Variants in PTPRT observed in about 807,000 individuals in gnomAD.
PTPRT encodes the protein protein tyrosine phosphatase receptor type T.
In PTPRT, 56 loss-of-function variants were observed where a neutral mutation model predicts 176.8. The ratio of observed to expected loss-of-function variants is 0.32; its 90% CI spans 0.26 to 0.40. PTPRT has a LOEUF of 0.40. Among genes scored for constraint, PTPRT ranks in the 10% least tolerant of loss-of-function variants. PTPRT has a pLI of 1.00. For synonymous variants in PTPRT, 783 were observed against 739.0 expected, an observed-to-expected ratio of 1.06 and a Z score of -0.96; for missense variants, 1,540 against 1,908.2, an observed-to-expected ratio of 0.81 and a Z score of 3.60.
chr20:42,695,907 C>A (rs570912577), intron 6 of PTPRT, among the ~76,000 whole-genome samples: 1 of 152,178 alleles, frequency 6.6e-6, no homozygotes, highest in Non-Finnish European at 1.5e-5. Flanking sequence ...TTATTGGCAG[C>A]CTGCAGCCTC....
At chr20:42,161,206 T>C (rs897542067) in intron 17 of PTPRT, 146 bp downstream of exon 17, 14 of 824,892 alleles carry the variant, frequency 1.7e-5, no homozygotes, top group African/African-American at 3.4e-5. Context: ...TAGGGAGGGA[T>C]GGGGCCTGAG....
At chr20:42,216,589 G>A (rs1252955213) in intron 15 of PTPRT, among the ~76,000 whole-genome samples, 1 of 152,132 alleles carries the variant, frequency 6.6e-6, no homozygotes, top group Non-Finnish European at 1.5e-5. Context: ...TTTGCGTATT[G>A]TATTTGTATT....
At chr20:42,350,534 T>C in intron 11 of PTPRT, 94 bp downstream of exon 11, 1 of 1,068,212 alleles carries the variant, frequency 9.4e-7, no homozygotes, top group South Asian at 1.4e-5. Context: ...TGGCCAGTCT[T>C]GCCCATGGGC....
At chr20:42,571,853 C>A (rs2073160534) in intron 7 of PTPRT, among the ~76,000 whole-genome samples, 2 of 152,180 alleles carry the variant, frequency 1.3e-5, no homozygotes, top group Non-Finnish European at 2.9e-5. Flanking sequence ...AATGCCCCAG[C>A]CCCTTCACTG....
At chr20:42,316,049 G>T (rs2057717068) in intron 11 of PTPRT, 53 bp from the exon 12 acceptor site, 1 of 1,585,998 alleles carries the variant, frequency 6.3e-7, no homozygotes, top group Non-Finnish European at 8.6e-7. Context: ...GGAAGAATGA[G>T]CTTGTTAGCT....
chr20:42,099,807 G>A (rs114441064), intron 26 of PTPRT, among the ~76,000 whole-genome samples: 220 of 126,374 alleles, frequency 1.7e-3, no homozygotes, highest in African/African-American at 7.6e-3. Flanking sequence ...GATATCATGC[G>A]TGCATTGGCT....
At chr20:42,157,551 G>A (rs554685063) in intron 17 of PTPRT, among the ~76,000 whole-genome samples, 2 of 151,936 alleles carry the variant, frequency 1.3e-5, no homozygotes, top group African/African-American at 4.8e-5. Context: ...TCACCATGTC[G>A]GCCAGGCTGG....
intron 7 of PTPRT, among the ~76,000 whole-genome samples, chr20:42,538,330 A>G (rs1348808235): frequency 6.6e-6 from 1 of 152,140 alleles, no homozygotes; most frequent in African/African-American, 2.4e-5. Flanking sequence ...CGAACATACT[A>G]ATAGAGTATC....
chr20:42,889,366 T>C (rs529424848), intron 1 of PTPRT, among the ~76,000 whole-genome samples: 1 of 152,248 alleles, frequency 6.6e-6, no homozygotes, highest in Non-Finnish European at 1.5e-5. Flanking sequence ...CACAGTCCTC[T>C]CTTTGCCTCT....
intron 15 of PTPRT, among the ~76,000 whole-genome samples, chr20:42,215,513 T>A (rs1450087617): frequency 6.6e-6 from 1 of 152,168 alleles, no homozygotes; most frequent in Non-Finnish European, 1.5e-5. Flanking sequence ...TTGCTTTCAT[T>A]TTTAATTTTA....
intron 21 of PTPRT, 32 bp downstream of exon 21, chr20:42,118,371 C>A: frequency 1.3e-6 from 2 of 1,556,154 alleles, no homozygotes; most frequent in Admixed American, 1.8e-5. Flanking sequence ...TCTCCAGCAT[C>A]CTCTGCCCAG....
At chr20:42,087,826 T>C (rs1409678164) in intron 27 of PTPRT, among the ~76,000 whole-genome samples, 1 of 126,214 alleles carries the variant, frequency 7.9e-6, no homozygotes, top group East Asian at 2.3e-4. Context: ...TGGGTGGAGA[T>C]CACGCCACTG....
chr20:42,804,790 T>C lies in PTPRT; in HGVS notation c.215-13324A>G, dbSNP rs532533557. Among the ~76,000 whole-genome samples, 6 of 152,326 alleles carry C rather than the reference T, an allele frequency of 3.9e-5. 1 individual carries two copies. The highest frequency in any genetic ancestry group is 1.4e-4 in the African/African-American group (6 of 41,582). The stretch of plus-strand genomic sequence containing the variant: ...GGGTTGTAGATGTACCCCTCCTCCT[T>C]ATCTCTGCCTTCAGATTCACATGGT... On this transcript the variant is annotated intron_variant, in intron 2 of 30. Transcript: ENST00000373187.
chr20:42,172,816 G>GACCT (rs3086752), intron 16 of PTPRT, among the ~76,000 whole-genome samples: 46,396 of 151,756 alleles, frequency 0.31, 8,152 homozygotes, highest in East Asian at 0.38. Context: ...ACATCACAAG[G>GACCT]ACCTCTCATG....
At position 42,452,097 on chromosome 20, in the gene PTPRT, T is replaced by C. The variant is rs181756528; in HGVS notation, c.1451-3768A>G. 4.9e-3 allele frequency among the ~76,000 whole-genome samples: 743 copies of C among 152,120 alleles called. 8 individuals carry two copies. The highest frequency in any genetic ancestry group is 0.017 in the African/African-American group (713 of 41,518). ...CATCCTGGCCAACATGGTGAAACCC[T>C]GTCTTTACTAAAAATACAAAAATTA... is the stretch of plus-strand genomic sequence containing the variant. On this transcript the variant is annotated intron_variant, in intron 8 of 30. Transcript: ENST00000373187.
intron 9 of PTPRT, among the ~76,000 whole-genome samples, chr20:42,369,299 C>T (rs1266481408): frequency 1.3e-5 from 2 of 152,114 alleles, no homozygotes; most frequent in Non-Finnish European, 2.9e-5. Flanking sequence ...ATTCTAGGGG[C>T]CCAGATTTTG....
intron 25 of PTPRT, 109 bp from the exon 26 acceptor site, chr20:42,102,406 G>A: frequency 8.5e-7 from 1 of 1,183,430 alleles, no homozygotes; most frequent in South Asian, 1.5e-5. Context: ...CACCCTCTAA[G>A]CGCAGCCCCA....
chr20:42,839,937 C>T lies in PTPRT; in HGVS notation c.214+45870G>A, dbSNP rs540522896. On this transcript the variant is annotated intron_variant, in intron 2 of 30. Coordinates refer to ENST00000373187, the MANE Select transcript of PTPRT (RefSeq NM_007050.6). ...TTAGACAAACCCCAGGAGATCCCAA[C>T]GCCAGTGGAGGTTGTATACCCTGGC... Among the ~76,000 whole-genome samples, 18 of 152,298 alleles carry T rather than the reference C, an allele frequency of 1.2e-4. No homozygotes were observed. The East Asian group carries it at 2.3e-3, about 20-fold the overall frequency.
chr20:42,826,056 A>C (rs1341438970), intron 2 of PTPRT, among the ~76,000 whole-genome samples: 2 of 152,028 alleles, frequency 1.3e-5, no homozygotes, highest in Non-Finnish European at 2.9e-5. Flanking sequence ...CAATACCTAC[A>C]TAAGACTGAA....
Sources: gnomAD v4.1 joint callset for allele counts (sites outside exome capture counted in the v4.1 genomes callset) on GRCh38, gnomAD v4.1.1 for gene constraint, MANE v1.5 for transcripts, NCBI Gene and HGNC (gene_info 2026-07-23, HGNC 2026-07-21) for gene names.